Variants in ZNF385D observed in about 807,000 individuals in gnomAD.
ZNF385D encodes zinc finger protein 385D.
ZNF385D carries 15 observed loss-of-function variants against 35.8 expected under a neutral mutation model. That is an observed-to-expected ratio of 0.42 (90% CI 0.28 to 0.64). The LOEUF (loss-of-function observed/expected upper bound fraction) is 0.64, where lower values mean the gene tolerates loss of function less well. ZNF385D is among the 30% of genes least tolerant of loss of function. ZNF385D has a pLI of 0.23. For synonymous variants in ZNF385D, 212 were observed against 186.8 expected, an observed-to-expected ratio of 1.13 and a Z score of -1.10; for missense variants, 474 against 494.6, an observed-to-expected ratio of 0.96 and a Z score of 0.39.
chr3:22,216,882 C>A (rs1262192461), intron 2 of ZNF385D, among the ~76,000 whole-genome samples: 1 of 152,064 alleles, frequency 6.6e-6, no homozygotes, highest in Non-Finnish European at 1.5e-5. Context: ...TTTTATTTTG[C>A]CTTTTGTGGC....
At position 21,423,967 on chromosome 3, in the gene ZNF385D, A is replaced by G. The variant is rs1199364743; in HGVS notation, c.950T>C (p.Leu317Pro). 2.5e-6 allele frequency: 4 copies of G among 1,607,388 alleles called. No homozygotes were observed. The highest frequency in any genetic ancestry group is 3.4e-6 in the Non-Finnish European group (4 of 1,177,846). ...CTCTTGCAAAATGACACTCACCCCC[A>G]GTGGATGTGCTGTCTTCTGTAGTTT... Reference protein sequence around the residue: ...YNKLQKTAHPLGVKLVFSKEP... With the variant: ...YNKLQKTAHPPGVKLVFSKEP... The change falls in exon 7 of 8, where the codon CTG becomes CCG. Residue 317 changes from leucine (L) to proline (P), a missense_variant. Coordinates refer to ENST00000281523, the MANE Select transcript of ZNF385D (RefSeq NM_024697.3).
At chr3:22,028,311 C>T (rs1226633165) in intron 3 of ZNF385D, among the ~76,000 whole-genome samples, 1 of 152,084 alleles carries the variant, frequency 6.6e-6, no homozygotes, top group Non-Finnish European at 1.5e-5. Context: ...CCTCTTTCAC[C>T]AGCCACCTCT....
At chr3:22,339,140 G>A (rs977555676) in intron 2 of ZNF385D, among the ~76,000 whole-genome samples, 9 of 152,118 alleles carry the variant, frequency 5.9e-5, no homozygotes, top group African/African-American at 1.7e-4. Flanking sequence ...GCTCCTGTAC[G>A]CTGCCTTGCT....
At chr3:21,576,770 A>G (rs890318310) in intron 2 of ZNF385D, among the ~76,000 whole-genome samples, 2 of 152,214 alleles carry the variant, frequency 1.3e-5, no homozygotes, top group Non-Finnish European at 2.9e-5. Context: ...AGTTAGAGAA[A>G]AAAACAAGAC....
intron 2 of ZNF385D, among the ~76,000 whole-genome samples, chr3:22,321,877 TC>T (rs1246010264): frequency 6.6e-6 from 1 of 152,078 alleles, no homozygotes; most frequent in African/African-American, 2.4e-5. Flanking sequence ...ATAGCTACAC[TC>T]CCTTTATTGA....
chr3:22,002,794 T>A (rs911948862), intron 3 of ZNF385D, among the ~76,000 whole-genome samples: 5 of 152,034 alleles, frequency 3.3e-5, no homozygotes, highest in African/African-American at 1.2e-4. Context: ...CATACACAAA[T>A]AAAGAAACAT....
intron 3 of ZNF385D, among the ~76,000 whole-genome samples, chr3:22,026,806 C>G (rs1258065324): frequency 1.3e-5 from 2 of 152,316 alleles, no homozygotes; most frequent in African/African-American, 4.8e-5. Context: ...GTGCCACCAT[C>G]AAGGACTTGA....
intron 3 of ZNF385D, among the ~76,000 whole-genome samples, chr3:21,763,420 T>C (rs1289117307): frequency 1.3e-5 from 2 of 152,210 alleles, no homozygotes; most frequent in African/African-American, 4.8e-5. Flanking sequence ...TGAAAAGTTT[T>C]CTAAAGGAGA....
intron 2 of ZNF385D, among the ~76,000 whole-genome samples, chr3:21,642,619 A>G (rs941421622): frequency 6.6e-6 from 1 of 152,176 alleles, no homozygotes; most frequent in African/African-American, 2.4e-5. Flanking sequence ...AACAGTATCG[A>G]AAGTGGTGAC....
intron 2 of ZNF385D, among the ~76,000 whole-genome samples, chr3:22,268,314 A>G (rs1700998148): frequency 6.6e-6 from 1 of 152,146 alleles, no homozygotes; most frequent in Non-Finnish European, 1.5e-5. Flanking sequence ...TGAAAATTAT[A>G]TAATTGCAAT....
At chr3:21,930,142 C>T (rs1330314963) in intron 3 of ZNF385D, among the ~76,000 whole-genome samples, 1 of 152,014 alleles carries the variant, frequency 6.6e-6, no homozygotes, top group East Asian at 1.9e-4. Flanking sequence ...TAAACCCATA[C>T]TTTATGACAA....
At chr3:21,593,079 C>T (rs1022415240) in intron 2 of ZNF385D, among the ~76,000 whole-genome samples, 4 of 152,246 alleles carry the variant, frequency 2.6e-5, no homozygotes, top group Non-Finnish European at 5.9e-5. Context: ...AGCTTCAGGT[C>T]ACCAAATGCC....
intron 1 of ZNF385D, among the ~76,000 whole-genome samples, chr3:21,684,412 T>TC (rs1559516893): frequency 1.2e-5 from 1 of 84,206 alleles, no homozygotes; most frequent in African/African-American, 4.0e-5. Flanking sequence ...CTCCTCTCTC[T>TC]CTCTCTCTCT....
chr3:22,231,358 G>A (rs767918712), intron 2 of ZNF385D, among the ~76,000 whole-genome samples: 16 of 151,934 alleles, frequency 1.1e-4, no homozygotes, highest in Non-Finnish European at 2.2e-4. Context: ...TCCCCAGTGA[G>A]AGAGAGAAAA....
At chr3:21,588,204 A>C (rs1287234275) in intron 2 of ZNF385D, among the ~76,000 whole-genome samples, 2 of 152,140 alleles carry the variant, frequency 1.3e-5, no homozygotes, top group African/African-American at 2.4e-5. Context: ...GGAGGAAATA[A>C]TGTTGTTGGG....
chr3:21,952,825 A>G (rs1054376395), intron 3 of ZNF385D, among the ~76,000 whole-genome samples: 1 of 151,954 alleles, frequency 6.6e-6, no homozygotes, highest in Non-Finnish European at 1.5e-5. Context: ...AAACATTTCC[A>G]TTGCCTTTTA....
intron 1 of ZNF385D, among the ~76,000 whole-genome samples, chr3:21,721,855 T>C (rs1325379823): frequency 1.3e-5 from 2 of 152,100 alleles, no homozygotes; most frequent in Admixed American, 6.5e-5. Flanking sequence ...TTCCCAGCAC[T>C]TTGGGAGGCC....
At chr3:21,838,433 G>A (rs377134590) in intron 3 of ZNF385D, among the ~76,000 whole-genome samples, 2 of 152,132 alleles carry the variant, frequency 1.3e-5, no homozygotes, top group East Asian at 1.9e-4. Flanking sequence ...ATTTAGATGC[G>A]AATCAACAAT....
intron 1 of ZNF385D, among the ~76,000 whole-genome samples, chr3:21,725,251 C>G (rs2068710458): frequency 6.6e-6 from 1 of 151,894 alleles, no homozygotes; most frequent in Non-Finnish European, 1.5e-5. Flanking sequence ...AAATCAACAC[C>G]CTAACATCAC....
Sources: gnomAD v4.1 joint callset for allele counts (sites outside exome capture counted in the v4.1 genomes callset) on GRCh38, gnomAD v4.1.1 for gene constraint, MANE v1.5 for transcripts, NCBI Gene and HGNC (gene_info 2026-07-23, HGNC 2026-07-21) for gene names.